KLHL29: variants seen among roughly 807,000 people sequenced by gnomAD.
KLHL29 encodes kelch-like protein 29.
In KLHL29, 21 loss-of-function variants were observed where a neutral mutation model predicts 80.4. That is an observed-to-expected ratio of 0.26 (90% CI 0.19 to 0.38). KLHL29 has a LOEUF of 0.38. KLHL29 is among the 10% of genes least tolerant of loss of function. KLHL29 has a pLI of 1.00. For missense variants in KLHL29, 867 were observed against 1,223.9 expected (o/e 0.71, Z 4.35); for synonymous variants, 511 against 526.8 (o/e 0.97, Z 0.41).
chr2:23,410,615 A>C (rs1370095303), intron 1 of KLHL29, among the ~76,000 whole-genome samples: 2 of 152,046 alleles, frequency 1.3e-5, no homozygotes, highest in Non-Finnish European at 2.9e-5. Flanking sequence ...CTGAGAGAAG[A>C]ATCTTAGTAG....
intron 2 of KLHL29, among the ~76,000 whole-genome samples, chr2:23,497,814 C>G (rs1233717244): frequency 6.6e-6 from 1 of 152,100 alleles, no homozygotes; most frequent in Non-Finnish European, 1.5e-5. Context: ...GAGTGGGCCT[C>G]AGCACTGAAG....
At chr2:23,476,505 C>T (rs527286707) in intron 2 of KLHL29, among the ~76,000 whole-genome samples, 1 of 152,032 alleles carries the variant, frequency 6.6e-6, no homozygotes, top group South Asian at 2.1e-4. Context: ...GGGTACTGTT[C>T]GGGGGGCATG....
At chr2:23,534,279 T>C (rs1422113824) in intron 2 of KLHL29, among the ~76,000 whole-genome samples, 1 of 152,110 alleles carries the variant, frequency 6.6e-6, no homozygotes, top group Non-Finnish European at 1.5e-5. Flanking sequence ...CCTTGTAGGG[T>C]CCTTCTCATC....
chr2:23,678,805 C>G (rs1400006992), intron 5 of KLHL29, among the ~76,000 whole-genome samples: 1 of 152,078 alleles, frequency 6.6e-6, no homozygotes, highest in Non-Finnish European at 1.5e-5. Context: ...TGAAATAAAG[C>G]CATTCACAGG....
At chr2:23,653,409 G>T (rs1348198196) in intron 5 of KLHL29, among the ~76,000 whole-genome samples, 3 of 152,174 alleles carry the variant, frequency 2.0e-5, no homozygotes, top group African/African-American at 7.2e-5. Context: ...CATCTGCATG[G>T]GCCGCACTGG....
intron 11 of KLHL29, among the ~76,000 whole-genome samples, chr2:23,699,686 C>T (rs1672234493): frequency 1.3e-5 from 2 of 152,186 alleles, no homozygotes; most frequent in African/African-American, 4.8e-5. Flanking sequence ...AACCGTTTGC[C>T]TTCTCGGCGC....
At chr2:23,603,738 G>T (rs1668632545) in intron 3 of KLHL29, among the ~76,000 whole-genome samples, 1 of 152,234 alleles carries the variant, frequency 6.6e-6, no homozygotes, top group African/African-American at 2.4e-5. Context: ...TCCAGCCCTG[G>T]GGAGCAGGCC....
At chr2:23,417,352 C>A (rs547420221) in intron 1 of KLHL29, among the ~76,000 whole-genome samples, 2 of 152,220 alleles carry the variant, frequency 1.3e-5, no homozygotes, top group Admixed American at 6.5e-5. Context: ...GTGTGGCCAT[C>A]ATGTGTGGCT....
chr2:23,665,967 G>T (rs1421500620), intron 5 of KLHL29, among the ~76,000 whole-genome samples: 1 of 152,212 alleles, frequency 6.6e-6, no homozygotes, highest in African/African-American at 2.4e-5. Flanking sequence ...GGTCCATGGG[G>T]GACACTGTCC....
At chr2:23,436,775 C>A (rs956514156) in intron 1 of KLHL29, among the ~76,000 whole-genome samples, 1 of 152,150 alleles carries the variant, frequency 6.6e-6, no homozygotes, top group Admixed American at 6.5e-5. Flanking sequence ...ACCATTTAAG[C>A]CCATGTCTTG....
intron 2 of KLHL29, among the ~76,000 whole-genome samples, chr2:23,559,767 G>A (rs559824749): frequency 6.6e-6 from 1 of 152,192 alleles, no homozygotes; most frequent in Admixed American, 6.5e-5. Context: ...AGCTGCAAAG[G>A]TAGCCTTGGG....
intron 2 of KLHL29, among the ~76,000 whole-genome samples, chr2:23,549,974 A>T (rs1479255401): frequency 6.6e-6 from 1 of 152,140 alleles, no homozygotes; most frequent in African/African-American, 2.4e-5. Context: ...ATGGAACCCC[A>T]GGGAGCTGGG....
chr2:23,621,609 C>G (rs995345783), intron 3 of KLHL29, among the ~76,000 whole-genome samples: 1 of 152,032 alleles, frequency 6.6e-6, no homozygotes, highest in Non-Finnish European at 1.5e-5. Context: ...ACAGACCCCC[C>G]AGACAGGAAA....
chr2:23,642,224 G>A (rs62127275), intron 4 of KLHL29, 114 bp from the exon 5 acceptor site: 17 of 966,560 alleles, frequency 1.8e-5, no homozygotes, highest in African/African-American at 5.0e-5. Context: ...GTTCCTGGAC[G>A]CAGGTGTCTC....
chr2:23,691,827 C>T lies in KLHL29; in HGVS notation c.1233C>T (p.Ala411=). ...ACGCCAAGACACTGCTGGAGGCGGC[C>T]AGCAAGTTCCAGTTCCACACCTTCT... The part of the protein sequence containing the change: ...SANAKTLLEA[A]SKFQFHTFCK... The change falls in exon 7 of 14, where the codon GCC becomes GCT. Residue 411 remains alanine (A), a synonymous_variant. Transcript: ENST00000486442. 6.4e-7 allele frequency: 1 copy of T among 1,551,572 alleles called. No individual in the cohort carries two copies. Among genetic ancestry groups the T allele is most frequent in the Non-Finnish European group, 8.7e-7 (1 of 1,147,010 alleles).
chr2:23,407,276 C>G (rs1306509402), intron 1 of KLHL29, among the ~76,000 whole-genome samples: 1 of 152,086 alleles, frequency 6.6e-6, no homozygotes, highest in Non-Finnish European at 1.5e-5. Flanking sequence ...AGAGGTGGAG[C>G]AGCATGTGAA....
chr2:23,671,020 T>C (rs1572483209), intron 5 of KLHL29, among the ~76,000 whole-genome samples: 1 of 73,786 alleles, frequency 1.4e-5, no homozygotes. Flanking sequence ...ACCTCCTCCC[T>C]TCCCTCCTAA....
chr2:23,487,310 G>A (rs1156771988), intron 2 of KLHL29, among the ~76,000 whole-genome samples: 2 of 152,164 alleles, frequency 1.3e-5, no homozygotes, highest in Admixed American at 6.5e-5. Context: ...AGTGGTGTTT[G>A]GAGGCCAAAC....
chr2:23,671,797 G>A (rs1390595637), intron 5 of KLHL29, among the ~76,000 whole-genome samples: 1 of 152,202 alleles, frequency 6.6e-6, no homozygotes, highest in Non-Finnish European at 1.5e-5. Context: ...TGGAACCTAG[G>A]GCTGCCCACT....
Sources: allele counts gnomAD v4.1 joint callset (sites outside exome capture counted in the v4.1 genomes callset), GRCh38; gene constraint gnomAD v4.1.1; transcripts MANE v1.5; gene names NCBI Gene and HGNC (gene_info 2026-07-23, HGNC 2026-07-21).